Variants in JAKMIP2 observed in about 807,000 individuals in gnomAD.
JAKMIP2 encodes janus kinase and microtubule interacting protein 2, also known as janus kinase and microtubule-interacting protein 2.
JAKMIP2 carries 25 observed loss-of-function variants against 115.0 expected under a neutral mutation model. The ratio of observed to expected loss-of-function variants is 0.22; its 90% CI spans 0.16 to 0.30. JAKMIP2 has a LOEUF of 0.30. Among genes scored for constraint, JAKMIP2 ranks in the 10% least tolerant of loss-of-function variants. The pLI, the probability that JAKMIP2 is intolerant of heterozygous loss-of-function variation, is 1.00. For missense variants in JAKMIP2, 642 were observed against 957.6 expected, an observed-to-expected ratio of 0.67 and a Z score of 4.35; for synonymous variants, 334 against 343.6, an observed-to-expected ratio of 0.97 and a Z score of 0.31.
chr5:147,637,575 G>C (rs1189289104), intron 10 of JAKMIP2, among the ~76,000 whole-genome samples: 2 of 151,384 alleles, frequency 1.3e-5, no homozygotes, highest in Non-Finnish European at 2.9e-5. Flanking sequence ...AAATAGCTTG[G>C]ATTACAGGCA....
At chr5:147,596,247 G>T (rs1023164369) in intron 21 of JAKMIP2, among the ~76,000 whole-genome samples, 9 of 151,624 alleles carry the variant, frequency 5.9e-5, no homozygotes, top group African/African-American at 2.2e-4. Context: ...GAAGGAACTT[G>T]ATCCTAACAC....
intron 1 of JAKMIP2, among the ~76,000 whole-genome samples, chr5:147,683,560 C>G (rs990037623): frequency 4.6e-5 from 7 of 152,044 alleles, no homozygotes; most frequent in African/African-American, 1.7e-4. Flanking sequence ...AAAAAATGCC[C>G]AAATTATTGG....
At chr5:147,620,627 G>T in intron 18 of JAKMIP2, 39 bp downstream of exon 18, 1 of 1,426,928 alleles carries the variant, frequency 7.0e-7, no homozygotes, top group Non-Finnish European at 9.9e-7. Flanking sequence ...GTGCATAACT[G>T]TAAATACTGC....
intron 2 of JAKMIP2, among the ~76,000 whole-genome samples, chr5:147,670,660 C>A (rs1759532620): frequency 1.3e-5 from 2 of 152,174 alleles, no homozygotes; most frequent in Non-Finnish European, 2.9e-5. Context: ...ATGTGTCAGG[C>A]AGCTCTCTGA....
Position 147,628,038 on chromosome 5 carries a change from T to C in JAKMIP2, c.1995+713A>G, listed in dbSNP as rs77303856. On this transcript the variant is annotated intron_variant, in intron 16 of 21. Transcript: ENST00000616793. ...TTTTTTTTTTTTAAAGGAGATGGAG[T>C]CTCACTATGTTGCCTAGGCTGAAGT... Among the ~76,000 whole-genome samples, 968 of 150,572 alleles carry C rather than the reference T, an allele frequency of 6.4e-3. 53 individuals carry two copies. The East Asian group carries it at 0.13, about 20-fold the overall frequency.
intron 20 of JAKMIP2, among the ~76,000 whole-genome samples, chr5:147,608,414 C>T (rs1251084978): frequency 1.3e-5 from 2 of 152,050 alleles, no homozygotes; most frequent in Non-Finnish European, 2.9e-5. Flanking sequence ...TTTGTTTCTG[C>T]CTTAATTTCG....
At chr5:147,601,036 C>T (rs146063679) in intron 21 of JAKMIP2, among the ~76,000 whole-genome samples, 73 of 152,162 alleles carry the variant, frequency 4.8e-4, no homozygotes, top group African/African-American at 1.3e-3. Flanking sequence ...TCAAGCTGAA[C>T]GCAACACTAA....
chr5:147,777,697 T>G (rs1755612406), intron 1 of JAKMIP2, among the ~76,000 whole-genome samples: 1 of 152,190 alleles, frequency 6.6e-6, no homozygotes, highest in African/African-American at 2.4e-5. Context: ...ATTTTTTTAG[T>G]GTGACAGGTC....
At chr5:147,708,028 A>G (rs1752645364) in intron 1 of JAKMIP2, among the ~76,000 whole-genome samples, 1 of 152,208 alleles carries the variant, frequency 6.6e-6, no homozygotes, top group Non-Finnish European at 1.5e-5. Flanking sequence ...ATTTATCAAT[A>G]AATATTTGCC....
In JAKMIP2 at chr5:147,628,043, C is replaced by T. The variant is rs148852867; in HGVS notation, c.1995+708G>A. ...TTTTTTTAAAGGAGATGGAGTCTCA[C>T]TATGTTGCCTAGGCTGAAGTACAGT... On this transcript the variant is annotated intron_variant, in intron 16 of 21. Transcript: ENST00000616793. 9.8e-3 allele frequency among the ~76,000 whole-genome samples: 1,471 copies of T among 150,680 alleles called. 101 individuals are homozygous for T. Among genetic ancestry groups the T allele is most frequent in the Admixed American group, 0.09 (1,361 of 15,136 alleles).
intron 1 of JAKMIP2, among the ~76,000 whole-genome samples, chr5:147,776,445 T>C (rs529048749): frequency 3.3e-5 from 5 of 152,294 alleles, no homozygotes; most frequent in African/African-American, 7.2e-5. Flanking sequence ...TCTGCCATGA[T>C]TGTAAGTTTC....
At chr5:147,747,053 C>T (rs1414562603) in intron 1 of JAKMIP2, among the ~76,000 whole-genome samples, 7 of 152,088 alleles carry the variant, frequency 4.6e-5, no homozygotes, top group Non-Finnish European at 8.8e-5. Context: ...CAGGTAAGCT[C>T]GAATGTCTTT....
At chr5:147,671,400 G>A (rs1473023532) in intron 2 of JAKMIP2, among the ~76,000 whole-genome samples, 1 of 152,158 alleles carries the variant, frequency 6.6e-6, no homozygotes, top group Non-Finnish European at 1.5e-5. Context: ...CGGTGGTAAG[G>A]GACACTGTCT....
chr5:147,630,952 T>G (rs987184302), intron 14 of JAKMIP2, among the ~76,000 whole-genome samples: 1 of 152,126 alleles, frequency 6.6e-6, no homozygotes, highest in Admixed American at 6.5e-5. Flanking sequence ...CTCCCTAAAT[T>G]AAACACATCA....
chr5:147,630,356 G>A (rs965335160), intron 14 of JAKMIP2, among the ~76,000 whole-genome samples: 1 of 152,078 alleles, frequency 6.6e-6, no homozygotes, highest in Non-Finnish European at 1.5e-5. Flanking sequence ...TAGGTTGTTT[G>A]TGATTTATCT....
chr5:147,651,391 C>G (rs1247099256), intron 3 of JAKMIP2, among the ~76,000 whole-genome samples: 2 of 152,060 alleles, frequency 1.3e-5, no homozygotes, highest in African/African-American at 4.8e-5. Flanking sequence ...TTTTGCCATC[C>G]TAGGATGAGG....
intron 1 of JAKMIP2, among the ~76,000 whole-genome samples, chr5:147,677,751 G>A (rs529749417): frequency 6.6e-6 from 1 of 152,208 alleles, no homozygotes; most frequent in East Asian, 1.9e-4. Flanking sequence ...ATGATGTTTT[G>A]AAATATGTAT....
intron 1 of JAKMIP2, among the ~76,000 whole-genome samples, chr5:147,781,524 TCA>T (rs34312648): frequency 0.41 from 62,011 of 151,710 alleles, 13,210 homozygotes; most frequent in Admixed American, 0.48. Flanking sequence ...CATTGTAAAT[TCA>T]GAGTCCTCAA....
intron 1 of JAKMIP2, among the ~76,000 whole-genome samples, chr5:147,713,926 A>G (rs2126918753): frequency 6.6e-6 from 1 of 152,340 alleles, no homozygotes; most frequent in African/African-American, 2.4e-5. Flanking sequence ...ACTGTAAGTC[A>G]TCTGGGTGAC....
Sources: allele counts gnomAD v4.1 joint callset (sites outside exome capture counted in the v4.1 genomes callset), GRCh38; gene constraint gnomAD v4.1.1; transcripts MANE v1.5; gene names NCBI Gene and HGNC (gene_info 2026-07-23, HGNC 2026-07-21).